Variants in KPNA4 observed in about 807,000 individuals in gnomAD.
KPNA4 encodes the protein importin subunit alpha-3.
A neutral mutation model predicts 71.3 loss-of-function variants in KPNA4; 13 were observed. The observed-to-expected ratio is 0.18, with a 90% CI of 0.12 to 0.29. The LOEUF is 0.29. Among genes scored for constraint, KPNA4 ranks in the 10% least tolerant of loss-of-function variants. The pLI is 1.00. For synonymous variants in KPNA4, 189 were observed against 195.2 expected (o/e 0.97, Z 0.26); for missense variants, 334 against 603.2 (o/e 0.55, Z 4.67).
chr3:160,495,314 G>A lies in KPNA4; in HGVS notation c.*6790C>T, dbSNP rs1056669. The A allele has an allele frequency of 0.56, 85,877 of 152,036 alleles. 24,844 individuals carry two copies. Among genetic ancestry groups the A allele is most frequent in the African/African-American group, 0.63 (26,102 of 41,460 alleles). 9.4% of individuals were successfully genotyped at this position (152,036 alleles called of 1,614,324 possible). ...TAGAATATTCAAGGACGTAAAGTGC[G>A]GTTGAGAAAGCCAGGATGCAAACAA... On this transcript the variant is annotated 3_prime_UTR_variant, in exon 17 of 17. Transcript: ENST00000334256.
intron 15 of KPNA4, 100 bp from the exon 16 acceptor site, chr3:160,505,152 A>T: frequency 2.0e-6 from 1 of 501,704 alleles, no homozygotes; most frequent in Non-Finnish European, 3.2e-6. Context: ...TGAATCGCAA[A>T]TTTTTTGAAT....
intron 1 of KPNA4, among the ~76,000 whole-genome samples, chr3:160,551,533 T>C (rs573758554): frequency 7.2e-5 from 11 of 152,056 alleles, no homozygotes; most frequent in African/African-American, 2.7e-4. Context: ...CAAAAGCAAA[T>C]ACAGAAAAAG....
intron 1 of KPNA4, among the ~76,000 whole-genome samples, chr3:160,559,220 C>T (rs1722197700): frequency 6.6e-6 from 1 of 152,084 alleles, no homozygotes; most frequent in African/African-American, 2.4e-5. Flanking sequence ...CCATTTATAG[C>T]ATTTATTGCT....
rs186169255 is a variant in KPNA4 at position 160,531,439 on chromosome 3, A to T, written c.383+23T>A. The T allele has an allele frequency of 1.3e-4, 172 of 1,285,618 alleles. 1 individual carries two copies. In the African/African-American group the frequency reaches 1.6e-3, roughly 12 times the overall value. The allele number at this position is 1,285,618 out of a possible 1,614,324, so 79.6% of individuals were successfully genotyped here. ...AAAGGATACATTCTAAATTAAAAAA[A>T]AAAAAATAAATAATGTACTCACTTG... On this transcript the variant is annotated intron_variant, in intron 6 of 16. Transcript: ENST00000334256.
At chr3:160,531,249 A>G (rs1196997449) in intron 6 of KPNA4, among the ~76,000 whole-genome samples, 1 of 152,150 alleles carries the variant, frequency 6.6e-6, no homozygotes, top group African/African-American at 2.4e-5. Context: ...TTCAAAGCAT[A>G]AAAGTTAAAT....
At chr3:160,564,724 G>C (rs1722305046) in intron 1 of KPNA4, 1 of 152,002 alleles carries the variant, frequency 6.6e-6, no homozygotes, top group Non-Finnish European at 1.5e-5. Context: ...GAGACGCCTC[G>C]GGCCTCGCTG....
Position 160,501,510 on chromosome 3 carries a change from GCAC to G in KPNA4, c.*591_*593del, listed in dbSNP as rs1720881135. The G allele has an allele frequency of 6.6e-6, 1 of 152,560 alleles. No homozygotes were observed. The highest frequency in any genetic ancestry group is 1.5e-5 in the Non-Finnish European group (1 of 68,048). 9.5% of individuals were successfully genotyped at this position (152,560 alleles called of 1,614,324 possible). A position where few individuals can be genotyped will look rare whatever the true frequency, so the allele number is the denominator to read the frequency against. On this transcript the variant is annotated 3_prime_UTR_variant, in exon 17 of 17. Transcript: ENST00000334256. The stretch of plus-strand genomic sequence containing the variant: ...TCAAGCTTGCATGCGTTCACATACA[GCAC>G]CACAACCACGCTCTCGTACACAGTC...
At chr3:160,513,432 T>A (rs911994084) in intron 13 of KPNA4, among the ~76,000 whole-genome samples, 3 of 151,880 alleles carry the variant, frequency 2.0e-5, no homozygotes, top group Non-Finnish European at 4.4e-5. Context: ...ATTTCTTTTT[T>A]AAAAAAAGTT....
chr3:160,531,606 A>G, intron 5 of KPNA4, 49 bp from the exon 6 acceptor site: 1 of 895,038 alleles, frequency 1.1e-6, no homozygotes, highest in Non-Finnish European at 1.7e-6. Context: ...ATACAATATT[A>G]TGATTAAATA....
intron 8 of KPNA4, 100 bp downstream of exon 8, chr3:160,527,853 T>G (rs780972467): frequency 4.3e-4 from 345 of 802,582 alleles, no homozygotes; most frequent in Non-Finnish European, 6.6e-4. Flanking sequence ...AAACTAGTAC[T>G]GAAGGCAAAC....
At chr3:160,507,966 C>A in intron 15 of KPNA4, 141 bp downstream of exon 15, 1 of 631,260 alleles carries the variant, frequency 1.6e-6, no homozygotes, top group Non-Finnish European at 2.6e-6. Flanking sequence ...CAGGACTGCA[C>A]ATATAGAATA....
chr3:160,501,549 T>C lies in KPNA4; in HGVS notation c.*555A>G, dbSNP rs902575766. 3.3e-5 allele frequency: 5 copies of C among 152,640 alleles called. No homozygotes were observed. Among genetic ancestry groups the C allele is most frequent in the Admixed American group, 2.6e-4 (4 of 15,278 alleles). 9.5% of individuals were successfully genotyped at this position (152,640 alleles called of 1,614,324 possible). A position where few individuals can be genotyped will look rare whatever the true frequency, so the allele number is the denominator to read the frequency against. On this transcript the variant is annotated 3_prime_UTR_variant, in exon 17 of 17. Transcript: ENST00000334256. ...CTCTCGTACACAGTCACTCCAGGACTAGGAGTCTGCTTCATGAGTGAAGAG... is the reference window on the plus strand; with the variant it reads ...CTCTCGTACACAGTCACTCCAGGACCAGGAGTCTGCTTCATGAGTGAAGAG...
In KPNA4 at chr3:160,499,976, A is replaced by G. The variant is rs1247294230; in HGVS notation, c.*2128T>C. 1 of 152,168 alleles carries G rather than the reference A, an allele frequency of 6.6e-6. No homozygotes were observed. Among genetic ancestry groups the G allele is most frequent in the African/African-American group, 2.4e-5 (1 of 41,464 alleles). 9.4% of individuals were successfully genotyped at this position (152,168 alleles called of 1,614,324 possible). A position where few individuals can be genotyped will look rare whatever the true frequency, so the allele number is the denominator to read the frequency against. On this transcript the variant is annotated 3_prime_UTR_variant, in exon 17 of 17. Coordinates refer to ENST00000334256, the MANE Select transcript of KPNA4 (RefSeq NM_002268.5). Reference sequence around the variant, plus strand: ...CTTTGGATAGAGAGAAAACTGAAGCACTGATGGTGTCAACTGGACAAACTC... The same window carrying G: ...CTTTGGATAGAGAGAAAACTGAAGCGCTGATGGTGTCAACTGGACAAACTC...
At chr3:160,555,702 T>C (rs1321795684) in intron 1 of KPNA4, among the ~76,000 whole-genome samples, 2 of 152,162 alleles carry the variant, frequency 1.3e-5, no homozygotes, top group Non-Finnish European at 2.9e-5. Flanking sequence ...CAGATAAGGG[T>C]GAACTATTAT....
intron 1 of KPNA4, among the ~76,000 whole-genome samples, chr3:160,542,392 T>G (rs1030491106): frequency 6.6e-6 from 1 of 152,238 alleles, no homozygotes; most frequent in Non-Finnish European, 1.5e-5. Context: ...ATCATGGTGC[T>G]TATTCATGCC....
intron 1 of KPNA4, among the ~76,000 whole-genome samples, chr3:160,542,644 T>C (rs1460016699): frequency 1.3e-5 from 2 of 152,164 alleles, no homozygotes; most frequent in Non-Finnish European, 2.9e-5. Context: ...GTAGCACTTA[T>C]TAACACTAGT....
intron 1 of KPNA4, among the ~76,000 whole-genome samples, chr3:160,554,543 G>A (rs1403187477): frequency 6.6e-6 from 1 of 152,072 alleles, no homozygotes; most frequent in Non-Finnish European, 1.5e-5. Context: ...TCTTTTGAAG[G>A]CTAATGAGAT....
intron 8 of KPNA4, among the ~76,000 whole-genome samples, chr3:160,526,339 CTTAA>C (rs781262173): frequency 6.6e-6 from 1 of 152,192 alleles, no homozygotes; most frequent in Non-Finnish European, 1.5e-5. Flanking sequence ...TTGCTGCTCA[CTTAA>C]TTAAACTGCT....
chr3:160,564,253 G>A (rs1037628234), intron 1 of KPNA4: 2 of 152,082 alleles, frequency 1.3e-5, no homozygotes, highest in Non-Finnish European at 2.9e-5. Context: ...GACAATCTCG[G>A]GAGCAGCTGT....
Sources: allele counts gnomAD v4.1 joint callset (sites outside exome capture counted in the v4.1 genomes callset), GRCh38; gene constraint gnomAD v4.1.1; transcripts MANE v1.5; gene names NCBI Gene and HGNC (gene_info 2026-07-23, HGNC 2026-07-21).